CACNA1A: variants seen among roughly 807,000 people sequenced by gnomAD.
CACNA1A encodes the protein voltage-dependent P/Q-type calcium channel subunit alpha-1A.
A neutral mutation model predicts 262.4 loss-of-function variants in CACNA1A; 57 were observed. The ratio of observed to expected loss-of-function variants is 0.22; its 90% CI spans 0.18 to 0.27. CACNA1A has a LOEUF of 0.27. Among genes scored for constraint, CACNA1A ranks in the 10% least tolerant of loss-of-function variants. The pLI, the probability that CACNA1A is intolerant of heterozygous loss-of-function variation, is 1.00. For missense variants in CACNA1A, 2,526 were observed against 3,562.8 expected, an observed-to-expected ratio of 0.71 and a Z score of 7.41; for synonymous variants, 1,431 against 1,419.3, an observed-to-expected ratio of 1.01 and a Z score of -0.18.
intron 38 of CACNA1A, among the ~76,000 whole-genome samples, chr19:13,220,552 A>G (rs1479878337): frequency 6.6e-6 from 1 of 152,184 alleles, no homozygotes; most frequent in Non-Finnish European, 1.5e-5. Flanking sequence ...TCCAGAGAGG[A>G]GCCCAGCTTG....
intron 24 of CACNA1A, chr19:13,275,649 G>T (rs2057128467): frequency 1.7e-6 from 1 of 596,166 alleles, no homozygotes; most frequent in Admixed American, 2.6e-5. Flanking sequence ...CAGGAGGGGG[G>T]GTCCCTTCTC....
In CACNA1A at chr19:13,283,365, G is replaced by C. The variant is rs1275961783; in HGVS notation, c.3724C>G (p.Leu1242Val). ...AGGATGCACATCTCAAAGTAGCGCA[G>C]GTTCAGGATGTAATGGCACAGGCGG... ...LRRLCHYILN[L>V]RYFEMCILMV... is the part of the protein sequence containing the mutation. Residue 1242 changes from leucine to valine, a missense_variant, in exon 22 of 47, where the codon CTG (leucine) becomes GTG (valine). Coordinates refer to ENST00000360228, the MANE Select transcript of CACNA1A (RefSeq NM_001127222.2). 4.3e-6 allele frequency: 7 copies of C among 1,614,012 alleles called. No homozygotes were observed. Among genetic ancestry groups the C allele is most frequent in the Middle Eastern group, 3.3e-4 (2 of 6,062 alleles).
At chr19:13,311,638 C>G (rs953483288) in intron 12 of CACNA1A, among the ~76,000 whole-genome samples, 3 of 152,134 alleles carry the variant, frequency 2.0e-5, no homozygotes, top group Non-Finnish European at 4.4e-5. Context: ...GAGATCAAGA[C>G]CATCCTGGCT....
At position 13,207,539 on chromosome 19, in the gene CACNA1A, C is replaced by T. The variant is rs752407660; in HGVS notation, c.7295G>A (p.Gly2432Glu). Residue 2432 changes from glycine to glutamate, a missense_variant, in exon 47 of 47, where the codon GGG becomes GAG. By Grantham distance (98) the Gly-to-Glu change is moderately conservative. This residue lies in a region of CACNA1A where 929 missense variants were observed against 868.1 expected (regional missense o/e 1.07). Transcript: ENST00000360228. This position sits in a 1 kb window ranked among gnomAD's most constrained non-coding sequence, Gnocchi z 5.7. Reference protein sequence around the residue: ...GSGGGEEAMAGAYDAPPPVRH... With the variant: ...GSGGGEEAMAEAYDAPPPVRH... ...TACGGGGGGTGGCGCGTCGTAGGCC[C>T]CGGCCATGGCCTCCTCGCCGCCCCC... 4 of 1,447,144 alleles carry T rather than the reference C, an allele frequency of 2.8e-6. No individual in the cohort carries two copies. Among genetic ancestry groups the T allele is most frequent in the Middle Eastern group, 2.2e-4 (1 of 4,638 alleles). The allele number at this position is 1,447,144 out of a possible 1,614,324, so 89.6% of individuals were successfully genotyped here. A position where few individuals can be genotyped will look rare whatever the true frequency, so the allele number is the denominator to read the frequency against.
In CACNA1A at chr19:13,241,533, G is replaced by T; in HGVS notation, c.4950+3649C>A. The T allele has an allele frequency of 9.8e-7, 1 of 1,024,104 alleles. No homozygotes were observed. Among genetic ancestry groups the T allele is most frequent in the Non-Finnish European group, 1.4e-6 (1 of 732,208 alleles). The allele number at this position is 1,024,104 out of a possible 1,614,324, so 63.4% of individuals were successfully genotyped here. ...AAGTAAGACCAACCGGATTCTAGAT[G>T]CAGATGTTGAAGATGAGGGGGAGCG... On this transcript the variant is annotated intron_variant, in intron 31 of 46. Coordinates refer to ENST00000360228, the MANE Select transcript of CACNA1A (RefSeq NM_001127222.2). This position sits in a 1 kb window ranked among gnomAD's most constrained non-coding sequence, Gnocchi z 4.0.
At chr19:13,224,797 A>T (rs761835076) in intron 37 of CACNA1A, 25 bp from the exon 38 acceptor site, 29 of 1,552,634 alleles carry the variant, frequency 1.9e-5, no homozygotes, top group Non-Finnish European at 3.5e-6. Context: ...AGGCAAGCGC[A>T]GTCATTCCCA....
chr19:13,298,040 C>T (rs1045886921), intron 19 of CACNA1A, among the ~76,000 whole-genome samples: 4 of 152,072 alleles, frequency 2.6e-5, no homozygotes, highest in African/African-American at 9.7e-5. Flanking sequence ...CCAGCCTGTT[C>T]TCCAACTCCT....
chr19:13,442,623 C>A (rs1468784613), intron 3 of CACNA1A, among the ~76,000 whole-genome samples: 2 of 152,216 alleles, frequency 1.3e-5, no homozygotes, highest in Admixed American at 1.3e-4. Flanking sequence ...AGGAGCTAGG[C>A]ACTAGTTTTA....
chr19:13,487,199 C>T (rs980539848), intron 1 of CACNA1A, among the ~76,000 whole-genome samples: 3 of 152,120 alleles, frequency 2.0e-5, no homozygotes, highest in African/African-American at 7.2e-5. Flanking sequence ...TAGGAGAAAC[C>T]CAGCTGAGAT....
At chr19:13,412,743 C>T (rs1281556735) in intron 3 of CACNA1A, among the ~76,000 whole-genome samples, 1 of 152,154 alleles carries the variant, frequency 6.6e-6, no homozygotes, top group African/African-American at 2.4e-5. Flanking sequence ...TCCCAAAGTG[C>T]TGGGATTACA....
At chr19:13,311,797 A>G (rs1334874662) in intron 12 of CACNA1A, among the ~76,000 whole-genome samples, 2 of 152,288 alleles carry the variant, frequency 1.3e-5, no homozygotes, top group African/African-American at 4.8e-5. Flanking sequence ...AGATGGCGCC[A>G]CCGCACTCCA....
At position 13,360,265 on chromosome 19, in the gene CACNA1A, G is replaced by GTATATATATA. The variant is rs34849471; in HGVS notation, c.785-476_785-467dup. 5.3e-4 allele frequency among the ~76,000 whole-genome samples: 66 copies of GTATATATATA among 124,220 alleles called. 3 individuals are homozygous for GTATATATATA. In the South Asian group the frequency reaches 0.012, roughly 23 times the overall value. 81.5% of individuals were successfully genotyped at this position (124,220 alleles called of 152,430 possible). On this transcript the variant is annotated intron_variant, in intron 5 of 46. Transcript: ENST00000360228. ...ATTAGGTGTCTGTGTGTGTGTGTGT[G>GTATATATATA]TATATATATATATATATATATGAAG...
chr19:13,237,028 CAA>C (rs976018618), intron 31 of CACNA1A, among the ~76,000 whole-genome samples: 5 of 152,086 alleles, frequency 3.3e-5, no homozygotes, highest in African/African-American at 1.2e-4. Context: ...GTTTAAAAAT[CAA>C]GAGATTTTGC....
At chr19:13,414,927 C>T (rs1032384352) in intron 3 of CACNA1A, among the ~76,000 whole-genome samples, 1 of 152,072 alleles carries the variant, frequency 6.6e-6, no homozygotes, top group African/African-American at 2.4e-5. Context: ...CACACCTCTG[C>T]ACTCGAGCCT....
intron 38 of CACNA1A, among the ~76,000 whole-genome samples, chr19:13,216,006 G>A (rs1051344509): frequency 1.3e-5 from 2 of 151,706 alleles, no homozygotes; most frequent in African/African-American, 2.4e-5. Context: ...CTGCAGTCTC[G>A]ACCTCCTGGG....
intron 1 of CACNA1A, among the ~76,000 whole-genome samples, chr19:13,470,370 C>T (rs2061328415): frequency 6.6e-6 from 1 of 152,172 alleles, no homozygotes; most frequent in South Asian, 2.1e-4. Context: ...TGCCAAATCC[C>T]AGGGCCATTT....
intron 6 of CACNA1A, among the ~76,000 whole-genome samples, chr19:13,352,320 T>C (rs961287508): frequency 1.3e-5 from 2 of 151,338 alleles, no homozygotes; most frequent in Admixed American, 6.6e-5. Flanking sequence ...GGTAGGAGAA[T>C]TGCTTGAACC....
At chr19:13,266,441 A>G (rs2056865819) in intron 24 of CACNA1A, among the ~76,000 whole-genome samples, 1 of 152,202 alleles carries the variant, frequency 6.6e-6, no homozygotes, top group East Asian at 1.9e-4. Context: ...CTGTACATCC[A>G]GGTTGCACAT....
chr19:13,427,087 T>C (rs2060414623), intron 3 of CACNA1A, among the ~76,000 whole-genome samples: 1 of 152,058 alleles, frequency 6.6e-6, no homozygotes, highest in Non-Finnish European at 1.5e-5. Flanking sequence ...CCACAGTTCA[T>C]AGTCAAGGGG....
Sources: gnomAD v4.1 joint callset for allele counts (sites outside exome capture counted in the v4.1 genomes callset) on GRCh38, gnomAD v4.1.1 for gene constraint, gnomAD v4.1.1 regional missense constraint, Gnocchi (gnomAD v3.1) non-coding constraint, MANE v1.5 for transcripts, NCBI Gene and HGNC (gene_info 2026-07-23, HGNC 2026-07-21) for gene names.